The following KAZN variants were observed in gnomAD, a reference collection of about 807,000 sequenced individuals.
KAZN encodes kazrin.
A neutral mutation model predicts 87.4 loss-of-function variants in KAZN; 40 were observed. That is an observed-to-expected ratio of 0.46 (90% CI 0.36 to 0.60). KAZN has a LOEUF of 0.60. Ranked by LOEUF, KAZN falls within the 20% of genes least tolerant of loss-of-function variation. The pLI, the probability that KAZN is intolerant of heterozygous loss-of-function variation, is 0.00. For missense variants in KAZN, 898 were observed against 1,073.9 expected, an observed-to-expected ratio of 0.84 and a Z score of 2.29; for synonymous variants, 466 against 458.3, an observed-to-expected ratio of 1.02 and a Z score of -0.22.
intron 1 of KAZN, among the ~76,000 whole-genome samples, chr1:13,944,251 C>A (rs10927961): frequency 0.14 from 21,131 of 152,124 alleles, 1,565 homozygotes; most frequent in Middle Eastern, 0.22. Flanking sequence ...TAGCACGCGA[C>A]GTGAAAGAAG....
At chr1:14,577,694 A>G (rs1675275820) in intron 2 of KAZN, among the ~76,000 whole-genome samples, 2 of 152,170 alleles carry the variant, frequency 1.3e-5, no homozygotes, top group Non-Finnish European at 2.9e-5. Flanking sequence ...GAGTGATCTT[A>G]GGCTCCATTG....
chr1:14,685,527 C>A (rs570952404), intron 1 of KAZN, among the ~76,000 whole-genome samples: 1 of 152,322 alleles, frequency 6.6e-6, no homozygotes, highest in African/African-American at 2.4e-5. Flanking sequence ...AGGACCAGGG[C>A]CTCCAAATGC....
At chr1:14,237,422 C>T (rs566534815) in intron 2 of KAZN, among the ~76,000 whole-genome samples, 3 of 152,190 alleles carry the variant, frequency 2.0e-5, no homozygotes, top group South Asian at 2.1e-4. Flanking sequence ...ATCATTGCCT[C>T]GTCACATGAA....
intron 1 of KAZN, among the ~76,000 whole-genome samples, chr1:14,722,294 T>C (rs937890397): frequency 6.6e-6 from 1 of 152,218 alleles, no homozygotes; most frequent in African/African-American, 2.4e-5. Flanking sequence ...TAAAATTATA[T>C]ATCCATCACA....
intron 1 of KAZN, among the ~76,000 whole-genome samples, chr1:14,128,429 T>C (rs961613340): frequency 6.6e-6 from 1 of 152,166 alleles, no homozygotes; most frequent in Non-Finnish European, 1.5e-5. Context: ...CTCTGGGTTC[T>C]GGAGGCTGGA....
intron 1 of KAZN, among the ~76,000 whole-genome samples, chr1:13,908,460 T>C (rs1331960195): frequency 6.6e-6 from 1 of 152,222 alleles, no homozygotes; most frequent in Non-Finnish European, 1.5e-5. Context: ...AAATAGCTAA[T>C]TCCCCTGGGT....
chr1:14,142,572 G>T (rs1025524501), intron 1 of KAZN, among the ~76,000 whole-genome samples: 1 of 152,204 alleles, frequency 6.6e-6, no homozygotes, highest in African/African-American at 2.4e-5. Flanking sequence ...TACATTCCTC[G>T]TATCCCTGCC....
chr1:14,182,878 A>G (rs893182013), intron 2 of KAZN, among the ~76,000 whole-genome samples: 6 of 152,152 alleles, frequency 3.9e-5, no homozygotes, highest in Non-Finnish European at 2.9e-5. Context: ...CCTTTCGTTC[A>G]GTCTGCATTT....
At chr1:13,972,851 G>T (rs1389552560) in intron 1 of KAZN, among the ~76,000 whole-genome samples, 1 of 152,122 alleles carries the variant, frequency 6.6e-6, no homozygotes, top group Non-Finnish European at 1.5e-5. Flanking sequence ...TTTGACTAAG[G>T]ACTCCCACCA....
At chr1:13,943,689 T>C (rs1379851044) in intron 1 of KAZN, among the ~76,000 whole-genome samples, 1 of 151,768 alleles carries the variant, frequency 6.6e-6, no homozygotes, top group Non-Finnish European at 1.5e-5. Context: ...TATTGGCAAA[T>C]CTAAATATTC....
chr1:14,843,668 A>C (rs182543664), intron 1 of KAZN, among the ~76,000 whole-genome samples: 1 of 152,296 alleles, frequency 6.6e-6, no homozygotes, highest in East Asian at 1.9e-4. Context: ...AAATGTTTTC[A>C]TTTTATACTC....
intron 1 of KAZN, among the ~76,000 whole-genome samples, chr1:14,685,430 G>A (rs192900543): frequency 2.8e-4 from 42 of 152,350 alleles, no homozygotes; most frequent in African/African-American, 9.1e-4. Flanking sequence ...AGAAATGCGG[G>A]CAGTGGTAGC....
chr1:14,651,378 A>C lies in KAZN; in HGVS notation c.226+52155A>C, dbSNP rs140653186. 2.5e-3 allele frequency among the ~76,000 whole-genome samples: 382 copies of C among 152,248 alleles called. 3 individuals carry two copies. Among genetic ancestry groups the C allele is most frequent in the South Asian group, 9.5e-3 (46 of 4,824 alleles). On this transcript the variant is annotated intron_variant, in intron 1 of 14. Transcript: ENST00000376030. Reference sequence around the variant, plus strand: ...GTTTCTTGTCAGTTTGCCTGTAATGATTGGGGAGGTTTTCTTTAACTTTGA... The same window carrying C: ...GTTTCTTGTCAGTTTGCCTGTAATGCTTGGGGAGGTTTTCTTTAACTTTGA...
At chr1:14,629,566 T>A (rs1018573720) in intron 1 of KAZN, among the ~76,000 whole-genome samples, 1 of 152,180 alleles carries the variant, frequency 6.6e-6, no homozygotes. Context: ...CTCCCTCCGG[T>A]TTCCTCTGTC....
At chr1:13,910,416 G>T (rs1639608435) in intron 1 of KAZN, among the ~76,000 whole-genome samples, 1 of 152,036 alleles carries the variant, frequency 6.6e-6, no homozygotes, top group Non-Finnish European at 1.5e-5. Context: ...GTTGAGGCAG[G>T]AGAATCGTCT....
At chr1:14,359,907 A>G (rs1452355331) in intron 2 of KAZN, among the ~76,000 whole-genome samples, 2 of 152,096 alleles carry the variant, frequency 1.3e-5, no homozygotes, top group South Asian at 2.1e-4. Flanking sequence ...TCTGATGATT[A>G]TATGTCTTGT....
chr1:14,357,757 A>T (rs1203999210), intron 2 of KAZN, among the ~76,000 whole-genome samples: 1 of 152,200 alleles, frequency 6.6e-6, no homozygotes, highest in Non-Finnish European at 1.5e-5. Flanking sequence ...CCAGCCTTGC[A>T]TCCCAGGGAT....
At chr1:14,894,191 ACC>A (rs1334132976) in intron 1 of KAZN, among the ~76,000 whole-genome samples, 3 of 150,018 alleles carry the variant, frequency 2.0e-5, no homozygotes, top group Non-Finnish European at 3.0e-5. Context: ...TCCCTAGCTC[ACC>A]CCCATCTCCC....
chr1:14,840,242 T>C (rs1647798363), intron 1 of KAZN, among the ~76,000 whole-genome samples: 2 of 152,178 alleles, frequency 1.3e-5, no homozygotes, highest in Admixed American at 1.3e-4. Context: ...ATAATAGCCA[T>C]TGAAATGATT....
Sources: allele counts gnomAD v4.1 joint callset (sites outside exome capture counted in the v4.1 genomes callset), GRCh38; gene constraint gnomAD v4.1.1; transcripts MANE v1.5; gene names NCBI Gene and HGNC (gene_info 2026-07-23, HGNC 2026-07-21).